CCDC171: variants seen among roughly 807,000 people sequenced by gnomAD.
CCDC171 encodes the protein coiled-coil domain containing 171.
In CCDC171, 177 loss-of-function variants were observed where a neutral mutation model predicts 168.2. The observed-to-expected ratio is 1.05, with a 90% CI of 0.93 to 1.19. The LOEUF (loss-of-function observed/expected upper bound fraction) is 1.19, where lower values mean the gene tolerates loss of function less well. CCDC171 is among the 50% of genes most tolerant of loss of function. The pLI is 0.00. For synonymous variants in CCDC171, 687 were observed against 540.8 expected (o/e 1.27, Z -3.75); for missense variants, 1,991 against 1,539.0 (o/e 1.29, Z -4.91).
At chr9:15,874,312 C>A (rs527903196) in intron 23 of CCDC171, among the ~76,000 whole-genome samples, 13 of 152,096 alleles carry the variant, frequency 8.5e-5, no homozygotes, top group Non-Finnish European at 1.5e-4. Context: ...TCCCCTCCCT[C>A]ATTTCAAGCA....
At chr9:16,042,588 C>G (rs927858848), upstream of CCDC171, among the ~76,000 whole-genome samples, 2 of 152,108 alleles carry the variant, frequency 1.3e-5, no homozygotes, top group African/African-American at 4.8e-5. Context: ...CTGGACAAAG[C>G]ATCTAGCTCA....
intron 9 of CCDC171, among the ~76,000 whole-genome samples, chr9:15,677,527 G>C (rs1265268034): frequency 6.6e-6 from 1 of 151,884 alleles, no homozygotes; most frequent in African/African-American, 2.4e-5. Flanking sequence ...TTAATCAGGG[G>C]AAACAGGTCT....
chr9:15,944,848 C>CTTTCTTTCTTTCTTTCTTT, intron 25 of CCDC171, among the ~76,000 whole-genome samples: 1 of 149,126 alleles, frequency 6.7e-6, no homozygotes, highest in Non-Finnish European at 1.5e-5. Context: ...TTCTTTCTTT[C>CTTTCTTTCTTTCTTTCTTT]TTTCTTTCTT....
At chr9:15,816,773 A>T (rs2059575840) in intron 21 of CCDC171, among the ~76,000 whole-genome samples, 1 of 119,340 alleles carries the variant, frequency 8.4e-6, no homozygotes, top group Non-Finnish European at 1.9e-5. Context: ...GCTATTAAGC[A>T]GTTATTAAGA....
chr9:15,711,060 A>G (rs532836802), intron 11 of CCDC171, among the ~76,000 whole-genome samples: 1 of 152,310 alleles, frequency 6.6e-6, no homozygotes, highest in South Asian at 2.1e-4. Context: ...TGGAATCTGC[A>G]GTAATGGAAA....
chr9:15,629,618 G>T (rs547771958), intron 7 of CCDC171, among the ~76,000 whole-genome samples: 2 of 152,314 alleles, frequency 1.3e-5, no homozygotes. Flanking sequence ...ATATTATCCA[G>T]GAGAACTTCC....
chr9:16,056,548 C>T (rs1010137748), intron 1 of CCDC171, among the ~76,000 whole-genome samples: 4 of 152,162 alleles, frequency 2.6e-5, no homozygotes, highest in African/African-American at 9.7e-5. Context: ...AGTGCAGCAG[C>T]ATGATCTCGG....
chr9:16,015,202 G>A (rs745781581), intron 3 of CCDC171, among the ~76,000 whole-genome samples: 8 of 152,098 alleles, frequency 5.3e-5, no homozygotes, highest in South Asian at 2.1e-4. Flanking sequence ...CTTCTACGTC[G>A]GCATTTGGTG....
At chr9:15,638,067 C>G (rs2046335106) in intron 7 of CCDC171, among the ~76,000 whole-genome samples, 1 of 152,082 alleles carries the variant, frequency 6.6e-6, no homozygotes, top group Non-Finnish European at 1.5e-5. Flanking sequence ...AATATTTTTA[C>G]TTTATGTTTT....
At chr9:15,628,956 A>G (rs200673010) in intron 7 of CCDC171, among the ~76,000 whole-genome samples, 1 of 152,198 alleles carries the variant, frequency 6.6e-6, no homozygotes, top group African/African-American at 2.4e-5. Flanking sequence ...TCCAGCAGAC[A>G]TGCAGCTGAG....
intron 6 of CCDC171, among the ~76,000 whole-genome samples, chr9:16,031,434 A>G (rs1833362380): frequency 6.6e-6 from 1 of 152,246 alleles, no homozygotes; most frequent in African/African-American, 2.4e-5. Context: ...CAACCAGCAG[A>G]TACACTCTTC....
intron 3 of CCDC171, among the ~76,000 whole-genome samples, chr9:16,009,720 A>G (rs1832810194): frequency 6.6e-6 from 1 of 152,218 alleles, no homozygotes. Context: ...AGTGACATGC[A>G]TTCGTTTTTT....
At chr9:15,730,304 A>G (rs558806812) in intron 16 of CCDC171, among the ~76,000 whole-genome samples, 1 of 151,992 alleles carries the variant, frequency 6.6e-6, no homozygotes, top group African/African-American at 2.4e-5. Flanking sequence ...ATGTAGCAAA[A>G]GTAATTCACT....
intron 6 of CCDC171, among the ~76,000 whole-genome samples, chr9:15,614,033 GTTCT>G (rs983851605): frequency 5.9e-5 from 9 of 152,142 alleles, no homozygotes; most frequent in African/African-American, 1.9e-4. Context: ...TTGCTGAGTG[GTTCT>G]TTCTTTATGT....
chr9:16,069,220 G>A, the CCDC171 span, among the ~76,000 whole-genome samples: 38 of 152,332 alleles, frequency 2.5e-4, 1 homozygote, highest in Middle Eastern at 3.4e-3. Flanking sequence ...ACATCTCATG[G>A]AAAAAAGCTC....
intron 21 of CCDC171, among the ~76,000 whole-genome samples, chr9:15,810,441 A>G (rs1233084357): frequency 3.8e-5 from 4 of 104,630 alleles, no homozygotes; most frequent in African/African-American, 1.1e-4. Flanking sequence ...GGCGCTGTGG[A>G]GCAGGGGGTG....
At chr9:15,865,337 A>C (rs1047033342) in intron 23 of CCDC171, among the ~76,000 whole-genome samples, 1 of 151,390 alleles carries the variant, frequency 6.6e-6, no homozygotes, top group Non-Finnish European at 1.5e-5. Context: ...ACATACATAC[A>C]TACATATATA....
intron 7 of CCDC171, among the ~76,000 whole-genome samples, chr9:15,641,927 G>T (rs2046640186): frequency 6.6e-6 from 1 of 152,168 alleles, no homozygotes; most frequent in Admixed American, 6.5e-5. Context: ...ACTTTGGGAG[G>T]CCAAGGTGGG....
intron 3 of CCDC171, among the ~76,000 whole-genome samples, chr9:15,999,353 G>A (rs1015612389): frequency 6.8e-6 from 1 of 147,472 alleles, no homozygotes; most frequent in African/African-American, 2.5e-5. Flanking sequence ...AAGGAAGGAA[G>A]GGTGAGCAAG....
Sources: allele counts gnomAD v4.1 joint callset (sites outside exome capture counted in the v4.1 genomes callset), GRCh38; gene constraint gnomAD v4.1.1; transcripts MANE v1.5; gene names NCBI Gene and HGNC (gene_info 2026-07-23, HGNC 2026-07-21).